PTTG1: variants seen among roughly 807,000 people sequenced by gnomAD.
PTTG1 encodes the protein PTTG1 regulator of sister chromatid separation, securin, also known as securin.
A neutral mutation model predicts 20.0 loss-of-function variants in PTTG1; 8 were observed. The observed-to-expected ratio is 0.40, with a 90% CI of 0.23 to 0.72. PTTG1 has a LOEUF of 0.72. Among genes scored for constraint, PTTG1 ranks in the 30% least tolerant of loss-of-function variants. The pLI is 0.38. For synonymous variants in PTTG1, 79 were observed against 87.2 expected, an observed-to-expected ratio of 0.91 and a Z score of 0.52; for missense variants, 197 against 236.0, an observed-to-expected ratio of 0.83 and a Z score of 1.08.
chr5:160,428,238 A>G (rs1289024477), intron 5 of PTTG1, among the ~76,000 whole-genome samples: 1 of 152,204 alleles, frequency 6.6e-6, no homozygotes, highest in African/African-American at 2.4e-5. Context: ...ATAGACTGAC[A>G]ATAACTTCTT....
intron 2 of PTTG1, 54 bp from the exon 3 acceptor site, chr5:160,422,655 G>C (rs1008841864): frequency 6.3e-7 from 1 of 1,591,542 alleles, no homozygotes; most frequent in African/African-American, 1.3e-5. Context: ...CAGTATTTAA[G>C]TTGTACAGGT....
In PTTG1 at chr5:160,421,906, G is replaced by A. The variant is rs189454337; in HGVS notation, c.-12+15G>A. On this transcript the variant is annotated intron_variant, in intron 1 of 5. Coordinates refer to ENST00000352433, the MANE Select transcript of PTTG1 (RefSeq NM_004219.4). Reference sequence around the variant, plus strand: ...TTAAGACCTGCGTGAGTGAATGGGAGGGTCGCGGGTGGTTAGTTGAGCCGG... The same window carrying A: ...TTAAGACCTGCGTGAGTGAATGGGAAGGTCGCGGGTGGTTAGTTGAGCCGG... The A allele has an allele frequency of 8.8e-5, 16 of 181,472 alleles. No individual in the cohort carries two copies. The East Asian group carries it at 2.4e-3, about 27-fold the overall frequency. 11.2% of individuals were successfully genotyped at this position (181,472 alleles called of 1,614,324 possible). A position where few individuals can be genotyped will look rare whatever the true frequency, so the allele number is the denominator to read the frequency against.
chr5:160,424,547 G>A, intron 4 of PTTG1: 1 of 455,146 alleles, frequency 2.2e-6, no homozygotes, highest in South Asian at 3.2e-5. Context: ...AGAAGACATT[G>A]TTCCTGTCTG....
At position 160,427,853 on chromosome 5, in the gene PTTG1, C is replaced by G; in HGVS notation, c.509C>G (p.Pro170Arg). ...QLGPPSPVKM[P>R]SPPWESNLLQ... ...GGCCCCCCTTCACCTGTGAAGATGC[C>G]CTCTCCACCATGGGAATCCAGTAAG... The change falls in exon 5 of 6, where the codon CCC becomes CGC. Residue 170 changes from proline (P) to arginine (R), a missense_variant. Pro to Arg is a moderately radical substitution (Grantham distance 103). Transcript: ENST00000352433. 6.2e-7 allele frequency: 1 copy of G among 1,614,148 alleles called. No homozygotes were observed. The highest frequency in any genetic ancestry group is 8.5e-7 in the Non-Finnish European group (1 of 1,180,028).
chr5:160,425,270 C>T (rs1198267751), intron 4 of PTTG1, among the ~76,000 whole-genome samples: 1 of 152,150 alleles, frequency 6.6e-6, no homozygotes, highest in African/African-American at 2.4e-5. Context: ...TGGAGGGAAA[C>T]TTTGAGAAGG....
At chr5:160,422,994 G>A (rs1765745534) in intron 3 of PTTG1, 101 bp downstream of exon 3, 3 of 1,251,838 alleles carry the variant, frequency 2.4e-6, no homozygotes, top group South Asian at 2.8e-5. Flanking sequence ...CCTCTGAGTA[G>A]AAGGGAAATA....
Position 160,422,908 on chromosome 5 carries a change from T to C in PTTG1, c.276+15T>C, listed in dbSNP as rs1257779312. 1 of 1,613,018 alleles carries C rather than the reference T, an allele frequency of 6.2e-7. No individual in the cohort carries two copies. The highest frequency in any genetic ancestry group is 2.2e-5 in the East Asian group (1 of 44,884). ...CTGCCAAAAAGGTAAGTGTTGGCTA[T>C]AAAGACACTGTTTAAACACTTAAGC... On this transcript the variant is annotated intron_variant, in intron 3 of 5. Coordinates refer to ENST00000352433, the MANE Select transcript of PTTG1 (RefSeq NM_004219.4).
chr5:160,425,019 G>A (rs969420965), intron 4 of PTTG1, among the ~76,000 whole-genome samples: 1 of 152,190 alleles, frequency 6.6e-6, no homozygotes. Context: ...TAGGAAAAGA[G>A]ACTAAAGTGG....
intron 4 of PTTG1, among the ~76,000 whole-genome samples, 171 bp from the exon 5 acceptor site, chr5:160,427,544 G>A (rs73316390): frequency 1.3e-5 from 2 of 152,154 alleles, no homozygotes; most frequent in African/African-American, 4.8e-5. Flanking sequence ...TTTCTCCACC[G>A]CTGCCTTGGT....
intron 4 of PTTG1, 41 bp downstream of exon 4, chr5:160,424,371 A>T (rs756740062): frequency 4.6e-5 from 63 of 1,377,058 alleles, no homozygotes; most frequent in Non-Finnish European, 6.1e-5. Context: ...TTTGGCCTTT[A>T]GTTTCTTAGT....
chr5:160,426,580 C>T (rs1225280366), intron 4 of PTTG1, among the ~76,000 whole-genome samples: 2 of 152,212 alleles, frequency 1.3e-5, no homozygotes, highest in African/African-American at 4.8e-5. Context: ...TATATTCTTG[C>T]ATCTATCTTG....
rs76271047 is a variant in PTTG1, at chr5:160,422,588, A to G, written c.92-121A>G. 7.5e-4 allele frequency: 880 copies of G among 1,176,402 alleles called. 3 individuals are homozygous for G. In the African/African-American group the frequency reaches 9.5e-3, roughly 13 times the overall value. The allele number at this position is 1,176,402 out of a possible 1,614,324, so 72.9% of individuals were successfully genotyped here. A position where few individuals can be genotyped will look rare whatever the true frequency, so the allele number is the denominator to read the frequency against. Reference sequence around the variant, plus strand: ...CTCTGCTATTAGGCCTATCATAGCCATGCCACTACCAAAAGTGGGGGGTGG... The same window carrying G: ...CTCTGCTATTAGGCCTATCATAGCCGTGCCACTACCAAAAGTGGGGGGTGG... On this transcript the variant is annotated intron_variant, in intron 2 of 5. Transcript: ENST00000352433.
intron 3 of PTTG1, among the ~76,000 whole-genome samples, chr5:160,423,285 A>G (rs1765751498): frequency 6.6e-6 from 1 of 152,234 alleles, no homozygotes; most frequent in South Asian, 2.1e-4. Flanking sequence ...CTGCTTTAAT[A>G]GCACAGGTGC....
chr5:160,422,178 G>T, intron 1 of PTTG1, 124 bp from the exon 2 acceptor site: 2 of 680,458 alleles, frequency 2.9e-6, no homozygotes, highest in South Asian at 1.8e-5. Context: ...TCACGCCCGT[G>T]ACTGTTCCGC....
chr5:160,422,216 A>G (rs1765724531), intron 1 of PTTG1, 86 bp from the exon 2 acceptor site: 3 of 917,996 alleles, frequency 3.3e-6, no homozygotes, highest in South Asian at 2.9e-5. Context: ...TTGTGTGGAC[A>G]CTCCTAGGAT....
intron 1 of PTTG1, 135 bp downstream of exon 1, chr5:160,422,026 C>G (rs957875977): frequency 2.2e-5 from 6 of 275,384 alleles, no homozygotes; most frequent in African/African-American, 4.4e-5. Flanking sequence ...GCTCCGAGCC[C>G]GTTTGAGCGT....
intron 5 of PTTG1, 79 bp from the exon 6 acceptor site, chr5:160,428,523 T>G (rs1261931961): frequency 2.1e-5 from 26 of 1,232,874 alleles, no homozygotes; most frequent in Non-Finnish European, 2.7e-5. Flanking sequence ...AATTTTTGAT[T>G]GACAGCTAAT....
At chr5:160,425,218 A>C (rs942391099) in intron 4 of PTTG1, among the ~76,000 whole-genome samples, 161 of 152,352 alleles carry the variant, frequency 1.1e-3, no homozygotes, top group Non-Finnish European at 1.8e-4. Flanking sequence ...TTCTATGATT[A>C]GTATTCTTGA....
At chr5:160,426,256 G>A (rs1176718302) in intron 4 of PTTG1, among the ~76,000 whole-genome samples, 2 of 152,002 alleles carry the variant, frequency 1.3e-5, no homozygotes, top group Admixed American at 6.6e-5. Flanking sequence ...GGAAAAGTTT[G>A]GAGAAGAATG....
Sources: gnomAD v4.1 joint callset for allele counts (sites outside exome capture counted in the v4.1 genomes callset) on GRCh38, gnomAD v4.1.1 for gene constraint, MANE v1.5 for transcripts, NCBI Gene and HGNC (gene_info 2026-07-23, HGNC 2026-07-21) for gene names.